The following SNTB2 variants were observed in gnomAD, a reference collection of about 807,000 sequenced individuals.
SNTB2 encodes the protein syntrophin beta 2.
SNTB2 carries 34 observed loss-of-function variants against 46.2 expected under a neutral mutation model. That is an observed-to-expected ratio of 0.74 (90% CI 0.56 to 0.98). The LOEUF is 0.98. Among genes scored for constraint, SNTB2 ranks in the 50% least tolerant of loss-of-function variants. The pLI is 0.00. For missense variants in SNTB2, 603 were observed against 731.4 expected, an observed-to-expected ratio of 0.82 and a Z score of 2.02; for synonymous variants, 290 against 312.6, an observed-to-expected ratio of 0.93 and a Z score of 0.76.
At chr16:69,282,099 T>G (rs1190820070) in intron 4 of SNTB2, among the ~76,000 whole-genome samples, 2 of 148,076 alleles carry the variant, frequency 1.4e-5, no homozygotes, top group African/African-American at 2.5e-5. Flanking sequence ...GAGACGGGGT[T>G]TTACCATGTG....
At chr16:69,243,350 G>A (rs1386990902) in intron 1 of SNTB2, among the ~76,000 whole-genome samples, 1 of 152,106 alleles carries the variant, frequency 6.6e-6, no homozygotes, top group Non-Finnish European at 1.5e-5. Flanking sequence ...CAGCCATTCT[G>A]GATGGCTAAT....
chr16:69,263,038 C>T (rs1964850060), intron 3 of SNTB2, among the ~76,000 whole-genome samples: 1 of 151,936 alleles, frequency 6.6e-6, no homozygotes, highest in Non-Finnish European at 1.5e-5. Context: ...AACTTTGTAC[C>T]ATTTGACCAA....
rs183178096 is a variant in SNTB2, at chr16:69,241,998, C to T, written c.581-3604C>T. The T allele has an allele frequency of 4.0e-5, 6 of 151,232 alleles. No homozygotes were observed. In the East Asian group the frequency reaches 1.2e-3, roughly 29 times the overall value. The allele number at this position is 151,232 out of a possible 1,614,324, so 9.4% of individuals were successfully genotyped here. On this transcript the variant is annotated intron_variant, in intron 1 of 6. Coordinates refer to ENST00000336278, the MANE Select transcript of SNTB2 (RefSeq NM_006750.4). The stretch of plus-strand genomic sequence containing the variant: ...TAAAATCAGATGCTGCCTCATGCCC[C>T]AAACATGGAACTCTTCATAACCTTA...
intron 2 of SNTB2, among the ~76,000 whole-genome samples, chr16:69,247,304 G>A (rs928794053): frequency 6.6e-6 from 1 of 152,096 alleles, no homozygotes; most frequent in African/African-American, 2.4e-5. Flanking sequence ...AATCATATGT[G>A]TTCTATAACT....
At chr16:69,189,023 A>G (rs1168289969) in intron 1 of SNTB2, among the ~76,000 whole-genome samples, 1 of 152,120 alleles carries the variant, frequency 6.6e-6, no homozygotes. Context: ...GCTGCTGGTG[A>G]AGAAGGACCA....
chr16:69,248,869 C>CTT (rs557681788), intron 2 of SNTB2, among the ~76,000 whole-genome samples: 14 of 118,790 alleles, frequency 1.2e-4, no homozygotes, highest in African/African-American at 3.0e-4. Context: ...TAATCATGGG[C>CTT]TTTTTTTTTT....
At chr16:69,252,198 G>A (rs1964734023) in intron 2 of SNTB2, among the ~76,000 whole-genome samples, 1 of 152,076 alleles carries the variant, frequency 6.6e-6, no homozygotes, top group South Asian at 2.1e-4. Context: ...CTTTGATTTA[G>A]TTCCATAGAG....
At position 69,284,093 on chromosome 16, in the gene SNTB2, T is replaced by C; in HGVS notation, c.1194T>C (p.Ser398=). Residue 398 remains serine (S), a synonymous_variant, in exon 5 of 7, where the codon TCT becomes TCC. Transcript: ENST00000336278. ...GATGTCGATCCCCCTCCCTTGGATC[T>C]GACCTTACATTTGCTACCAGGACAG... ...GSGCRSPSLG[S]DLTFATRTGS... is the part of the protein sequence containing the mutation. 3 of 1,613,984 alleles carry C rather than the reference T, an allele frequency of 1.9e-6. No individual in the cohort carries two copies. The highest frequency in any genetic ancestry group is 1.7e-6 in the Non-Finnish European group (2 of 1,179,948).
chr16:69,260,379 A>G (rs1224553861), intron 3 of SNTB2, 119 bp downstream of exon 3: 1 of 903,354 alleles, frequency 1.1e-6, no homozygotes, highest in Non-Finnish European at 1.7e-6. Flanking sequence ...TAGCTTGCAG[A>G]TCTTTTGTTT....
intron 1 of SNTB2, among the ~76,000 whole-genome samples, chr16:69,205,966 A>T (rs111634881): frequency 1.3e-5 from 2 of 152,138 alleles, no homozygotes; most frequent in Non-Finnish European, 2.9e-5. Flanking sequence ...AAGTGATGGG[A>T]ATGTAGGAAC....
chr16:69,199,786 T>G (rs540291565), intron 1 of SNTB2, among the ~76,000 whole-genome samples: 1 of 152,036 alleles, frequency 6.6e-6, no homozygotes, highest in East Asian at 1.9e-4. Context: ...TAATGAAAAT[T>G]GAAAAAAAAG....
At chr16:69,280,692 T>A (rs1183978934) in intron 4 of SNTB2, among the ~76,000 whole-genome samples, 1 of 152,182 alleles carries the variant, frequency 6.6e-6, no homozygotes, top group Non-Finnish European at 1.5e-5. Context: ...AACTGGGTGG[T>A]TTTCTTATCG....
chr16:69,281,996 C>A (rs1032526815), intron 4 of SNTB2, among the ~76,000 whole-genome samples: 2 of 147,460 alleles, frequency 1.4e-5, no homozygotes, highest in Admixed American at 1.3e-4. Context: ...CCTCCACCTT[C>A]CCGGGTTCAA....
intron 3 of SNTB2, among the ~76,000 whole-genome samples, chr16:69,264,070 A>G (rs1025753324): frequency 4.6e-5 from 7 of 152,080 alleles, no homozygotes; most frequent in Admixed American, 2.0e-4. Flanking sequence ...AGCTGGGATT[A>G]CAGGCATGAG....
intron 1 of SNTB2, among the ~76,000 whole-genome samples, chr16:69,210,308 G>A (rs1366958665): frequency 6.9e-6 from 1 of 145,294 alleles, no homozygotes; most frequent in African/African-American, 2.6e-5. Flanking sequence ...CGCAGTCTTG[G>A]CTCACTGTAA....
intron 4 of SNTB2, among the ~76,000 whole-genome samples, chr16:69,277,388 A>G (rs1964993050): frequency 6.6e-6 from 1 of 152,350 alleles, no homozygotes; most frequent in African/African-American, 2.4e-5. Context: ...AATCTGTGTA[A>G]CTCAGTGAAC....
chr16:69,233,788 C>T (rs953072872), intron 1 of SNTB2, among the ~76,000 whole-genome samples: 1 of 151,886 alleles, frequency 6.6e-6, no homozygotes, highest in Admixed American at 6.6e-5. Flanking sequence ...TCCTTGGCAA[C>T]ATAGCAAGAC....
intron 2 of SNTB2, among the ~76,000 whole-genome samples, chr16:69,255,260 G>A (rs1419072101): frequency 6.6e-6 from 1 of 151,658 alleles, no homozygotes; most frequent in Non-Finnish European, 1.5e-5. Flanking sequence ...ACCATGCCTG[G>A]CTGATAAAAA....
chr16:69,287,495 G>A (rs1412263070), intron 5 of SNTB2, among the ~76,000 whole-genome samples: 3 of 152,086 alleles, frequency 2.0e-5, no homozygotes, highest in South Asian at 2.1e-4. Flanking sequence ...GCTTGAACCC[G>A]GGAGGTGGAG....
Sources: gnomAD v4.1 joint callset for allele counts (sites outside exome capture counted in the v4.1 genomes callset) on GRCh38, gnomAD v4.1.1 for gene constraint, MANE v1.5 for transcripts, NCBI Gene and HGNC (gene_info 2026-07-23, HGNC 2026-07-21) for gene names.